Variants in ZKSCAN5 observed in about 807,000 individuals in gnomAD.
ZKSCAN5 encodes zinc finger with KRAB and SCAN domains 5.
Under a neutral mutation model 60.0 loss-of-function variants are expected in ZKSCAN5, and 28 were observed. The observed-to-expected ratio is 0.47, with a 90% CI of 0.35 to 0.64. The LOEUF (loss-of-function observed/expected upper bound fraction) is 0.64. Ranked by LOEUF, ZKSCAN5 falls within the 30% of genes least tolerant of loss-of-function variation. The pLI is 0.01. For synonymous variants in ZKSCAN5, 361 were observed against 371.2 expected (o/e 0.97, Z 0.31); for missense variants, 881 against 1,034.6 (o/e 0.85, Z 2.04).
chr7:99,506,701 G>C (rs1418791950), intron 2 of ZKSCAN5, among the ~76,000 whole-genome samples: 1 of 152,110 alleles, frequency 6.6e-6, no homozygotes, highest in Non-Finnish European at 1.5e-5. Flanking sequence ...ATTTATTTTT[G>C]AGACGGAGTC....
At chr7:99,519,207 C>A (rs1246946593) in intron 3 of ZKSCAN5, among the ~76,000 whole-genome samples, 1 of 151,726 alleles carries the variant, frequency 6.6e-6, no homozygotes, top group Non-Finnish European at 1.5e-5. Flanking sequence ...AACTGCTGAC[C>A]TTGTGATCCT....
At chr7:99,524,106 TGTCACCCA>T (rs1801668489) in intron 5 of ZKSCAN5, among the ~76,000 whole-genome samples, 3 of 150,476 alleles carry the variant, frequency 2.0e-5, no homozygotes, top group Admixed American at 2.0e-4. Flanking sequence ...AGTCTCGCTC[TGTCACCCA>T]GACTGGAGTG....
intron 3 of ZKSCAN5, among the ~76,000 whole-genome samples, 171 bp downstream of exon 3, chr7:99,512,762 A>G (rs565243067): frequency 3.9e-5 from 6 of 152,230 alleles, no homozygotes; most frequent in South Asian, 2.1e-4. Context: ...CTGGTGTTCA[A>G]TGAAAGCCAT....
Position 99,525,800 on chromosome 7 carries a change from T to G in ZKSCAN5, c.773-13T>G. ...GAAAAGCTCATTTTTTAATTCTCCC[T>G]CTGTTATTTCAGGTTATGAGTCCAG... On this transcript the variant is annotated splice_polypyrimidine_tract_variant and intron_variant, in intron 5 of 6. Coordinates refer to ENST00000326775, the MANE Select transcript of ZKSCAN5 (RefSeq NM_145102.4). The G allele has an allele frequency of 6.3e-7, 1 of 1,579,208 alleles. No individual in the cohort carries two copies. Among genetic ancestry groups the G allele is most frequent in the Non-Finnish European group, 8.6e-7 (1 of 1,161,056 alleles).
intron 2 of ZKSCAN5, 43 bp from the exon 3 acceptor site, chr7:99,512,410 C>G: frequency 6.4e-7 from 1 of 1,567,156 alleles, no homozygotes; most frequent in African/African-American, 1.4e-5. Flanking sequence ...CTTTCGTGGC[C>G]TTCTCTGTAA....
In ZKSCAN5 at chr7:99,533,360, T is replaced by C; in HGVS notation, c.*1111T>C. The C allele has an allele frequency of 3.3e-6, 2 of 600,138 alleles. No homozygotes were observed. Among genetic ancestry groups the C allele is most frequent in the South Asian group, 3.8e-5 (2 of 52,540 alleles). The allele number at this position is 600,138 out of a possible 1,614,324, so 37.2% of individuals were successfully genotyped here. ...TGTGTGAGAGAGTTCTGAGCCTGTT[T>C]GCTAGGGAGAGTGAGTGAGTGCTCT... On this transcript the variant is annotated 3_prime_UTR_variant, in exon 7 of 7. Coordinates refer to ENST00000326775, the MANE Select transcript of ZKSCAN5 (RefSeq NM_145102.4).
chr7:99,508,389 A>G (rs151286156), intron 2 of ZKSCAN5, among the ~76,000 whole-genome samples: 161 of 152,246 alleles, frequency 1.1e-3, no homozygotes, highest in Admixed American at 1.6e-3. Context: ...CCAACAATGT[A>G]TGAGAGAAAT....
intron 3 of ZKSCAN5, among the ~76,000 whole-genome samples, chr7:99,516,975 GGAA>G (rs1337224967): frequency 6.6e-6 from 1 of 152,128 alleles, no homozygotes; most frequent in African/African-American, 2.4e-5. Context: ...GGGCCACACT[GGAA>G]GAAGAATTGT....
In ZKSCAN5 at chr7:99,533,378, A is replaced by C. The variant is rs917658712; in HGVS notation, c.*1129A>C. ...GCCTGTTTGCTAGGGAGAGTGAGTG[A>C]GTGCTCTTGGGCACTGCTCAGGCCG... On this transcript the variant is annotated 3_prime_UTR_variant, in exon 7 of 7. Transcript: ENST00000326775. 9 of 587,286 alleles carry C rather than the reference A, an allele frequency of 1.5e-5. No homozygotes were observed. The highest frequency in any genetic ancestry group is 2.8e-5 in the Non-Finnish European group (9 of 320,118). 36.4% of individuals were successfully genotyped at this position (587,286 alleles called of 1,614,324 possible).
At chr7:99,508,173 C>T (rs1174855417) in intron 2 of ZKSCAN5, among the ~76,000 whole-genome samples, 1 of 151,974 alleles carries the variant, frequency 6.6e-6, no homozygotes, top group Non-Finnish European at 1.5e-5. Context: ...GTGGCACGCA[C>T]CTGTAATCCC....
At chr7:99,529,840 A>G (rs1184580427) in intron 6 of ZKSCAN5, among the ~76,000 whole-genome samples, 1 of 150,992 alleles carries the variant, frequency 6.6e-6, no homozygotes, top group Non-Finnish European at 1.5e-5. Context: ...GGTTCAAGCA[A>G]TTCTCTGCCT....
At position 99,512,545 on chromosome 7, in the gene ZKSCAN5, C is replaced by G. The variant is rs1453011795; in HGVS notation, c.507C>G (p.Thr169=). The change falls in exon 3 of 7, where the codon ACC becomes ACG. Residue 169 remains threonine (T), a synonymous_variant. Coordinates refer to ENST00000326775, the MANE Select transcript of ZKSCAN5 (RefSeq NM_145102.4). ...GCCCCCATCCCCTGACCGTGGACAC[C>G]CAGCCTGAGCAAGCGCCACAGAAGC... is the stretch of plus-strand genomic sequence containing the variant. The part of the protein sequence containing the change: ...SCSPHPLTVD[T]QPEQAPQKPR... The G allele has an allele frequency of 1.2e-6, 2 of 1,614,008 alleles. No homozygotes were observed. The highest frequency in any genetic ancestry group is 2.7e-5 in the African/African-American group (2 of 74,924).
intron 2 of ZKSCAN5, among the ~76,000 whole-genome samples, chr7:99,507,579 ATATT>A (rs1165813877): frequency 6.7e-6 from 1 of 149,036 alleles, no homozygotes; most frequent in Non-Finnish European, 1.5e-5. Flanking sequence ...ATATATGTGT[ATATT>A]TATGTGTGTG....
intron 5 of ZKSCAN5, among the ~76,000 whole-genome samples, chr7:99,522,281 T>C (rs1471279487): frequency 1.3e-5 from 2 of 152,102 alleles, no homozygotes; most frequent in Non-Finnish European, 2.9e-5. Context: ...CATAAGTAAA[T>C]GAGTCTTGGA....
At chr7:99,507,561 ATG>A (rs1455356433) in intron 2 of ZKSCAN5, among the ~76,000 whole-genome samples, 37 of 142,222 alleles carry the variant, frequency 2.6e-4, no homozygotes, top group East Asian at 1.6e-3. Flanking sequence ...ATGTATATAT[ATG>A]TGTATATATA....
At chr7:99,507,681 C>T (rs966704418) in intron 2 of ZKSCAN5, among the ~76,000 whole-genome samples, 2 of 151,362 alleles carry the variant, frequency 1.3e-5, no homozygotes, top group Non-Finnish European at 2.9e-5. Flanking sequence ...GGGAGGATCA[C>T]TTAAGACCAG....
chr7:99,516,771 C>T (rs1801283947), intron 3 of ZKSCAN5, among the ~76,000 whole-genome samples: 1 of 152,132 alleles, frequency 6.6e-6, no homozygotes, highest in Non-Finnish European at 1.5e-5. Context: ...TTCCTACTGC[C>T]CAGAGTCACT....
intron 3 of ZKSCAN5, among the ~76,000 whole-genome samples, chr7:99,516,446 G>A (rs1332121186): frequency 2.0e-5 from 3 of 151,860 alleles, no homozygotes; most frequent in South Asian, 2.1e-4. Flanking sequence ...CCATTGTCCC[G>A]TCCTTTTTGT....
In ZKSCAN5 at chr7:99,510,488, A is replaced by G. The variant is rs190543803; in HGVS notation, c.415-1965A>G. On this transcript the variant is annotated intron_variant, in intron 2 of 6. Coordinates refer to ENST00000326775, the MANE Select transcript of ZKSCAN5 (RefSeq NM_145102.4). ...AGATGGAGTTTCACTCTTGTTGCCTAGGCTGGAGTGCAATGGCACGATCTC... is the reference window on the plus strand; with the variant it reads ...AGATGGAGTTTCACTCTTGTTGCCTGGGCTGGAGTGCAATGGCACGATCTC... Among the ~76,000 whole-genome samples, 11 of 152,106 alleles carry G rather than the reference A, an allele frequency of 7.2e-5. No individual in the cohort carries two copies. In the East Asian group the frequency reaches 1.9e-3, roughly 27 times the overall value.
Sources: allele counts gnomAD v4.1 joint callset (sites outside exome capture counted in the v4.1 genomes callset), GRCh38; gene constraint gnomAD v4.1.1; transcripts MANE v1.5; gene names NCBI Gene and HGNC (gene_info 2026-07-23, HGNC 2026-07-21).